Variants in NXPE2 observed in about 807,000 individuals in gnomAD.
NXPE2 encodes the protein NXPE family member 2.
A neutral mutation model predicts 34.4 loss-of-function variants in NXPE2; 34 were observed. That is an observed-to-expected ratio of 0.99 (90% confidence interval 0.75 to 1.31). NXPE2 has a LOEUF of 1.31. Among genes scored for constraint, NXPE2 ranks in the 40% most tolerant of loss-of-function variants. The probability of loss-of-function intolerance (pLI) is 0.00; values close to 1 mark genes in which losing one functional copy is unlikely to be tolerated. For synonymous variants in NXPE2, 235 were observed against 231.3 expected, an observed-to-expected ratio of 1.02 and a Z score of -0.15; for missense variants, 649 against 672.5, an observed-to-expected ratio of 0.97 and a Z score of 0.39.
At chr11:114,626,653 C>T in the NXPE2 span, among the ~76,000 whole-genome samples, 1 of 152,200 alleles carries the variant, frequency 6.6e-6, no homozygotes, top group African/African-American at 2.4e-5. Flanking sequence ...TCACCAGCAA[C>T]AGAACAAAGC....
At chr11:114,582,087 T>C in the NXPE2 span, among the ~76,000 whole-genome samples, 36 of 152,290 alleles carry the variant, frequency 2.4e-4, no homozygotes, top group African/African-American at 7.7e-4. Context: ...TTTTTTCCCA[T>C]TGATAAGAAT....
chr11:114,510,466 C>T, the NXPE2 span, among the ~76,000 whole-genome samples: 5 of 152,170 alleles, frequency 3.3e-5, no homozygotes, highest in Non-Finnish European at 7.3e-5. Flanking sequence ...AAGTGATTCT[C>T]CTGCCTTAGG....
At chr11:114,744,476 T>C in the NXPE2 span, among the ~76,000 whole-genome samples, 1 of 152,146 alleles carries the variant, frequency 6.6e-6, no homozygotes, top group Admixed American at 6.5e-5. Context: ...GCATTCTGGA[T>C]GTTACTTAGA....
At chr11:114,799,823 C>A in the NXPE2 span, among the ~76,000 whole-genome samples, 1 of 152,208 alleles carries the variant, frequency 6.6e-6, no homozygotes, top group South Asian at 2.1e-4. Flanking sequence ...GAGTTCATCT[C>A]ATGACCGGCG....
the NXPE2 span, among the ~76,000 whole-genome samples, chr11:114,763,670 G>C: frequency 6.6e-6 from 1 of 152,070 alleles, no homozygotes; most frequent in Non-Finnish European, 1.5e-5. Flanking sequence ...ATTGCACCTG[G>C]TCCATAAATA....
chr11:114,743,093 C>CT, the NXPE2 span, among the ~76,000 whole-genome samples: 2 of 122,140 alleles, frequency 1.6e-5, no homozygotes, highest in East Asian at 4.4e-4. Context: ...ATTCAAGCAA[C>CT]TTAAACAAAA....
chr11:114,585,693 G>A, the NXPE2 span, among the ~76,000 whole-genome samples: 1 of 151,954 alleles, frequency 6.6e-6, no homozygotes, highest in African/African-American at 2.4e-5. Flanking sequence ...AATTATTTAG[G>A]TAGACAGTGA....
chr11:114,610,234 G>A, the NXPE2 span, among the ~76,000 whole-genome samples: 5 of 151,712 alleles, frequency 3.3e-5, no homozygotes, highest in Non-Finnish European at 5.9e-5. Flanking sequence ...GTGTTGCCTC[G>A]TGGTTAACCA....
the NXPE2 span, among the ~76,000 whole-genome samples, chr11:114,789,202 C>G: frequency 6.6e-6 from 1 of 152,136 alleles, no homozygotes; most frequent in Non-Finnish European, 1.5e-5. Flanking sequence ...CAAAAAATAG[C>G]TATGTGAGGT....
chr11:114,725,413 C>T, the NXPE2 span, among the ~76,000 whole-genome samples: 2 of 152,098 alleles, frequency 1.3e-5, no homozygotes, highest in Non-Finnish European at 2.9e-5. Flanking sequence ...CTCCTTCTTC[C>T]TCATCTCACT....
At chr11:114,506,112 T>TAAAAAAAAA in the NXPE2 span, among the ~76,000 whole-genome samples, 1 of 134,432 alleles carries the variant, frequency 7.4e-6, no homozygotes. Flanking sequence ...CAAGAAATAT[T>TAAAAAAAAA]AAAAAAAAAA....
the NXPE2 span, among the ~76,000 whole-genome samples, chr11:114,568,404 AC>A: frequency 1.3e-5 from 2 of 152,162 alleles, no homozygotes; most frequent in East Asian, 1.9e-4. Flanking sequence ...GAGCTTCACA[AC>A]CCTTGTTCAT....
chr11:114,540,709 G>T, the NXPE2 span, among the ~76,000 whole-genome samples: 5 of 152,128 alleles, frequency 3.3e-5, no homozygotes, highest in African/African-American at 1.2e-4. Context: ...AACAAAAGCA[G>T]GCAAGTTTTG....
chr11:114,687,401 A>G (rs186513799), intron 2 of NXPE2, among the ~76,000 whole-genome samples: 3 of 151,878 alleles, frequency 2.0e-5, no homozygotes, highest in South Asian at 2.1e-4. Context: ...TTTGTTGACT[A>G]TATTGAACAT....
the NXPE2 span, among the ~76,000 whole-genome samples, chr11:114,743,146 C>T: frequency 6.6e-6 from 1 of 152,134 alleles, no homozygotes; most frequent in African/African-American, 2.4e-5. Context: ...TTTAACCAAA[C>T]TGTTTTTTTT....
chr11:114,786,838 C>T, the NXPE2 span, among the ~76,000 whole-genome samples: 43 of 152,188 alleles, frequency 2.8e-4, no homozygotes, highest in African/African-American at 2.4e-4. Flanking sequence ...GCAAGCCCCA[C>T]GCATGGTTCA....
At chr11:114,577,032 TATATATATAAAGTTATATATATATAC>T in the NXPE2 span, among the ~76,000 whole-genome samples, 1 of 30,818 alleles carries the variant, frequency 3.2e-5, no homozygotes, top group African/African-American at 1.6e-4. Context: ...TATATACATA[TATATATATAAAGTTATATATATATAC>T]ATATATATAT....
At chr11:114,470,000 T>C in the NXPE2 span, among the ~76,000 whole-genome samples, 1 of 152,262 alleles carries the variant, frequency 6.6e-6, no homozygotes, top group Admixed American at 6.5e-5. Flanking sequence ...TTTTGTGATA[T>C]CCATGTTTTT....
chr11:114,768,661 C>T, the NXPE2 span, among the ~76,000 whole-genome samples: 1 of 152,036 alleles, frequency 6.6e-6, no homozygotes, highest in Non-Finnish European at 1.5e-5. Flanking sequence ...GTATTTTATT[C>T]TCTTTGTAGC....
Sources: allele counts gnomAD v4.1 joint callset (sites outside exome capture counted in the v4.1 genomes callset), GRCh38; gene constraint gnomAD v4.1.1; transcripts MANE v1.5; gene names NCBI Gene and HGNC (gene_info 2026-07-23, HGNC 2026-07-21).